GRK3: variants seen among roughly 807,000 people sequenced by gnomAD.
GRK3 encodes the protein adrenergic, beta, receptor kinase 2.
GRK3 carries 54 observed loss-of-function variants against 95.7 expected under a neutral mutation model. The observed-to-expected ratio is 0.56, with a 90% CI of 0.45 to 0.71. GRK3 has a LOEUF of 0.71. Ranked by LOEUF, GRK3 falls within the 30% of genes least tolerant of loss-of-function variation. GRK3 has a pLI of 0.00. For missense variants in GRK3, 649 were observed against 851.2 expected (o/e 0.76, Z 2.96); for synonymous variants, 281 against 290.8 (o/e 0.97, Z 0.34).
chr22:25,722,451 C>T lies in GRK3; in HGVS notation c.*1C>T, dbSNP rs2085440737. ...TCACAGAAACAGCAACGGCCTCTAG[C>T]ACCCAGAAACAGGGAGGGTCCTCGA... On this transcript the variant is annotated 3_prime_UTR_variant, in exon 21 of 21. Coordinates refer to ENST00000324198, the MANE Select transcript of GRK3 (RefSeq NM_005160.4). 2 of 1,613,756 alleles carry T rather than the reference C, an allele frequency of 1.2e-6. No individual in the cohort carries two copies. The highest frequency in any genetic ancestry group is 1.3e-5 in the African/African-American group (1 of 74,900).
chr22:25,586,970 C>T lies in GRK3; in HGVS notation c.114-17407C>T, dbSNP rs569835964. Among the ~76,000 whole-genome samples the T allele has an allele frequency of 2.6e-5, 4 of 152,030 alleles. No individual in the cohort carries two copies. In the East Asian group the frequency reaches 7.7e-4, roughly 29 times the overall value. ...CACGATCTCAGCTCACCACATCCTC[C>T]ACCTCCCATGTTCAAGCAATTCTCC... On this transcript the variant is annotated intron_variant, in intron 1 of 20. Coordinates refer to ENST00000324198, the MANE Select transcript of GRK3 (RefSeq NM_005160.4).
intron 3 of GRK3, chr22:25,648,361 C>T: frequency 1.5e-6 from 2 of 1,304,494 alleles, no homozygotes; most frequent in Admixed American, 3.4e-5. Context: ...AAGTTAACAA[C>T]TGTGTGTCCA....
chr22:25,729,224 A>G lies in GRK3; in HGVS notation c.*6774A>G, dbSNP rs2085497605. 1 of 152,178 alleles carries G rather than the reference A, an allele frequency of 6.6e-6. No individual in the cohort carries two copies. The highest frequency in any genetic ancestry group is 2.1e-4 in the South Asian group (1 of 4,830). 9.4% of individuals were successfully genotyped at this position (152,178 alleles called of 1,614,324 possible). ...ACCACCGTTTTTACAGTTACTTTGG[A>G]GCTGCTAGACTGGTTTTCTGTGTTG... On this transcript the variant is annotated 3_prime_UTR_variant, in exon 21 of 21. Transcript: ENST00000324198.
chr22:25,639,883 CATTT>C (rs1467922661), intron 2 of GRK3, among the ~76,000 whole-genome samples: 3 of 151,986 alleles, frequency 2.0e-5, no homozygotes, highest in Non-Finnish European at 4.4e-5. Context: ...TCTTGTATGT[CATTT>C]ATTTGTTTAT....
intron 1 of GRK3, among the ~76,000 whole-genome samples, chr22:25,574,233 C>T (rs1471150482): frequency 6.6e-6 from 1 of 152,110 alleles, no homozygotes; most frequent in Non-Finnish European, 1.5e-5. Context: ...GTGGCTCACG[C>T]CTGCACTTTG....
chr22:25,709,732 C>T (rs1046299166), intron 15 of GRK3, among the ~76,000 whole-genome samples, 166 bp from the exon 16 acceptor site: 20 of 152,078 alleles, frequency 1.3e-4, no homozygotes, highest in African/African-American at 4.8e-4. Flanking sequence ...TTCTAAACAT[C>T]GTAGCATTCC....
At chr22:25,706,357 C>G (rs2085299734) in intron 15 of GRK3, among the ~76,000 whole-genome samples, 1 of 152,032 alleles carries the variant, frequency 6.6e-6, no homozygotes, top group Non-Finnish European at 1.5e-5. Context: ...GTCTCATCCC[C>G]CAGCCACACA....
In GRK3 at chr22:25,637,769, T is replaced by C. The variant is rs549291651; in HGVS notation, c.191-6823T>C. Among the ~76,000 whole-genome samples, 128 of 152,342 alleles carry C rather than the reference T, an allele frequency of 8.4e-4. 3 individuals carry two copies. The South Asian group carries it at 0.025, about 30-fold the overall frequency. On this transcript the variant is annotated intron_variant, in intron 2 of 20. Transcript: ENST00000324198. ...GTGTATATAGACAGAAAGAGACTTA[T>C]TGTAAGGAACTGGCTTATGTGATTA...
At chr22:25,703,421 G>A in intron 13 of GRK3, 89 bp from the exon 14 acceptor site, 1 of 928,172 alleles carries the variant, frequency 1.1e-6, no homozygotes, top group Non-Finnish European at 1.7e-6. Flanking sequence ...ATAGTGATAG[G>A]ACATCATACT....
intron 3 of GRK3, among the ~76,000 whole-genome samples, chr22:25,661,357 A>G (rs1335835476): frequency 6.6e-6 from 1 of 152,222 alleles, no homozygotes; most frequent in Admixed American, 6.5e-5. Context: ...GATGAGAGTC[A>G]TCATAGGGAA....
Position 25,718,392 on chromosome 22 carries a change from G to A in GRK3, c.1791+11G>A. On this transcript the variant is annotated intron_variant, in intron 19 of 20. Transcript: ENST00000324198. ...GAGGGAGAGTCCCGGGTAAGTCTAAGGCAGCCTCACCGAGCATGTTTCCCA... is the reference window on the plus strand; with the variant it reads ...GAGGGAGAGTCCCGGGTAAGTCTAAAGCAGCCTCACCGAGCATGTTTCCCA... 8 of 1,613,602 alleles carry A rather than the reference G, an allele frequency of 5.0e-6. No individual in the cohort carries two copies. Among genetic ancestry groups the A allele is most frequent in the Non-Finnish European group, 6.8e-6 (8 of 1,179,708 alleles).
At position 25,674,450 on chromosome 22, in the gene GRK3, A is replaced by G. The variant is rs1425295405; in HGVS notation, c.569A>G (p.Glu190Gly). 1.2e-6 allele frequency: 2 copies of G among 1,613,318 alleles called. No homozygotes were observed. The highest frequency in any genetic ancestry group is 1.7e-6 in the Non-Finnish European group (2 of 1,179,404). ...VELNIHLTMN[E>G]FSVHRIIGRG... ...TGGATTTCCCAGTTGACCATGAATG[A>G]GTTCAGTGTGCATAGGATTATTGGA... The change falls in exon 8 of 21, where the codon GAG (glutamate) becomes GGG (glycine). Residue 190 changes from glutamate (E) to glycine (G), a missense_variant. By Grantham distance (98) the Glu-to-Gly change is moderately conservative. Coordinates refer to ENST00000324198, the MANE Select transcript of GRK3 (RefSeq NM_005160.4).
In GRK3 at chr22:25,690,190, C is replaced by A; in HGVS notation, c.959C>A (p.Pro320Gln). 6.2e-7 allele frequency: 1 copy of A among 1,612,670 alleles called. No homozygotes were observed. The highest frequency in any genetic ancestry group is 8.5e-7 in the Non-Finnish European group (1 of 1,178,862). ...AAAGATTATTCTCTTTCTGTTTAGC[C>A]AGCAAATATTCTCTTGGATGAACAT... Reference protein sequence around the residue: ...NRFVVYRDLKPANILLDEHGH... With the variant: ...NRFVVYRDLKQANILLDEHGH... The change falls in exon 12 of 21, where the codon CCA becomes CAA. Residue 320 changes from proline (P) to glutamine (Q), a missense_variant and splice_region_variant. Physicochemically the swap from Pro to Gln is moderately conservative, Grantham distance 76. This residue lies in a region of GRK3 where 382 missense variants were observed against 493.8 expected (regional missense o/e 0.77). Coordinates refer to ENST00000324198, the MANE Select transcript of GRK3 (RefSeq NM_005160.4).
At chr22:25,609,970 C>T (rs1270191500) in intron 2 of GRK3, among the ~76,000 whole-genome samples, 1 of 151,372 alleles carries the variant, frequency 6.6e-6, no homozygotes, top group Non-Finnish European at 1.5e-5. Flanking sequence ...GCCTCAGCCT[C>T]CCGAGTAGCT....
rs374243135 is a variant in GRK3, at chr22:25,610,468, A to G, written c.190+6015A>G. 3.1e-4 allele frequency among the ~76,000 whole-genome samples: 47 copies of G among 152,336 alleles called. No homozygotes were observed. The East Asian group carries it at 4.5e-3, about 14-fold the overall frequency. On this transcript the variant is annotated intron_variant, in intron 2 of 20. Coordinates refer to ENST00000324198, the MANE Select transcript of GRK3 (RefSeq NM_005160.4). The stretch of plus-strand genomic sequence containing the variant: ...GGCAAAAGAACGAGACTCTGTCTCA[A>G]AAAACAACTCTCAAAATGCAAAACT...
At chr22:25,646,169 A>G (rs966645678) in intron 3 of GRK3, among the ~76,000 whole-genome samples, 3 of 152,210 alleles carry the variant, frequency 2.0e-5, no homozygotes, top group Non-Finnish European at 2.9e-5. Flanking sequence ...ATCATAAATA[A>G]GGCAATAAAA....
At position 25,722,665 on chromosome 22, in the gene GRK3, G is replaced by T. The variant is rs1327475183; in HGVS notation, c.*215G>T. On this transcript the variant is annotated 3_prime_UTR_variant, in exon 21 of 21. Coordinates refer to ENST00000324198, the MANE Select transcript of GRK3 (RefSeq NM_005160.4). ...GAAGAAATAAAAGTTCTTTTTCTTT[G>T]CTACACACTTTGGTACCTATGAACC... The T allele has an allele frequency of 8.1e-6, 4 of 493,326 alleles. No homozygotes were observed. Among genetic ancestry groups the T allele is most frequent in the Non-Finnish European group, 1.4e-5 (4 of 278,998 alleles). The allele number at this position is 493,326 out of a possible 1,614,324, so 30.6% of individuals were successfully genotyped here. A position where few individuals can be genotyped will look rare whatever the true frequency, so the allele number is the denominator to read the frequency against.
intron 13 of GRK3, among the ~76,000 whole-genome samples, chr22:25,700,866 G>A (rs1249075046): frequency 6.6e-6 from 1 of 152,192 alleles, no homozygotes; most frequent in Non-Finnish European, 1.5e-5. Context: ...TTACAGGCGT[G>A]ACCCACCGCG....
intron 19 of GRK3, among the ~76,000 whole-genome samples, chr22:25,720,999 T>A (rs1233158752): frequency 1.3e-5 from 2 of 152,226 alleles, no homozygotes; most frequent in African/African-American, 4.8e-5. Flanking sequence ...GCAAGTAGGC[T>A]TGCGATTCAT....
Sources: allele counts gnomAD v4.1 joint callset (sites outside exome capture counted in the v4.1 genomes callset), GRCh38; gene constraint gnomAD v4.1.1; regional missense constraint gnomAD v4.1.1; transcripts MANE v1.5; gene names NCBI Gene and HGNC (gene_info 2026-07-23, HGNC 2026-07-21).